The following ANKRD12 variants were observed in gnomAD, a reference collection of about 807,000 sequenced individuals.
ANKRD12 encodes the protein ankyrin repeat domain-containing protein 12.
A neutral mutation model predicts 183.4 loss-of-function variants in ANKRD12; 85 were observed. The observed-to-expected ratio is 0.46, with a 90% CI of 0.39 to 0.56. The LOEUF is 0.56. ANKRD12 is among the 20% of genes least tolerant of loss of function. ANKRD12 has a pLI of 0.00. For missense variants in ANKRD12, 2,405 were observed against 2,357.1 expected, an observed-to-expected ratio of 1.02 and a Z score of -0.42; for synonymous variants, 914 against 800.2, an observed-to-expected ratio of 1.14 and a Z score of -2.40.
chr18:9,204,166 CA>C (rs1190998068), intron 3 of ANKRD12, among the ~76,000 whole-genome samples: 39 of 152,020 alleles, frequency 2.6e-4, no homozygotes, highest in African/African-American at 8.7e-4. Flanking sequence ...TACTGTTATT[CA>C]GAAGTTGAAA....
chr18:9,222,067 A>G (rs916271116), intron 8 of ANKRD12, 68 bp downstream of exon 8: 10 of 1,549,784 alleles, frequency 6.5e-6, no homozygotes, highest in African/African-American at 1.4e-5. Flanking sequence ...TTCTGGATTC[A>G]TTTGTAATAT....
chr18:9,261,848 C>G (rs2038986990), intron 9 of ANKRD12, among the ~76,000 whole-genome samples: 1 of 152,170 alleles, frequency 6.6e-6, no homozygotes, highest in Non-Finnish European at 1.5e-5. Flanking sequence ...CTTGAGGAAG[C>G]TTTCTCTGGC....
intron 9 of ANKRD12, among the ~76,000 whole-genome samples, chr18:9,261,570 C>A (rs1314600688): frequency 6.6e-6 from 1 of 152,146 alleles, no homozygotes; most frequent in Non-Finnish European, 1.5e-5. Context: ...TATTATTTTG[C>A]CCCTGCTGAT....
rs775877613 is a variant in ANKRD12, at chr18:9,262,786, C to CTTTTTTTTTTTTTTTTTT, written c.5665-1004_5665-1003insTTTTTTTTTTTTTTTTTT. On this transcript the variant is annotated intron_variant, in intron 9 of 12. Transcript: ENST00000262126. The stretch of plus-strand genomic sequence containing the variant: ...AGCCACCATGCCCAGCCAAGATGTC[C>CTTTTTTTTTTTTTTTTTT]CTTTTTTTTTTTTTTTTTTTTTTTT... Among the ~76,000 whole-genome samples, 3 of 87,932 alleles carry CTTTTTTTTTTTTTTTTTT rather than the reference C, an allele frequency of 3.4e-5. 1 individual carries two copies. Among genetic ancestry groups the CTTTTTTTTTTTTTTTTTT allele is most frequent in the Non-Finnish European group, 6.8e-5 (3 of 44,262 alleles). 57.7% of individuals were successfully genotyped at this position (87,932 alleles called of 152,430 possible).
Position 9,255,519 on chromosome 18 carries a change from G to A in ANKRD12, c.2252G>A (p.Arg751Gln), listed in dbSNP as rs768252877. ...AAAGAGAGGAACTTTAAAGAGGAAC[G>A]AGACAAGATTAAAAAGGAAAGCGAG... ...VSKERNFKEE[R>Q]DKIKKESEKS... The change falls in exon 9 of 13, where the codon CGA (arginine) becomes CAA (glutamine). Residue 751 changes from arginine to glutamine, a missense_variant. Transcript: ENST00000262126. 22 of 1,576,456 alleles carry A rather than the reference G, an allele frequency of 1.4e-5. No homozygotes were observed. Among genetic ancestry groups the A allele is most frequent in the East Asian group, 1.1e-4 (5 of 44,108 alleles).
intron 1 of ANKRD12, among the ~76,000 whole-genome samples, chr18:9,144,427 T>C (rs1470582805): frequency 6.6e-6 from 1 of 152,236 alleles, no homozygotes; most frequent in Non-Finnish European, 1.5e-5. Flanking sequence ...GATTACTCTT[T>C]ATGCTCTTTT....
chr18:9,157,077 T>A (rs2030582779), intron 1 of ANKRD12, among the ~76,000 whole-genome samples: 1 of 152,206 alleles, frequency 6.6e-6, no homozygotes, highest in African/African-American at 2.4e-5. Context: ...GTGTGGATGT[T>A]ACTCAGTGCC....
At chr18:9,272,650 C>T (rs2039660103) in intron 10 of ANKRD12, among the ~76,000 whole-genome samples, 1 of 152,088 alleles carries the variant, frequency 6.6e-6, no homozygotes, top group Non-Finnish European at 1.5e-5. Context: ...CTCTGCAGGA[C>T]TACAACCAAC....
At chr18:9,253,944 A>G (rs1011547404) in intron 8 of ANKRD12, among the ~76,000 whole-genome samples, 2 of 152,180 alleles carry the variant, frequency 1.3e-5, no homozygotes, top group African/African-American at 4.8e-5. Context: ...TTTTTATACT[A>G]TATATTGTGA....
intron 10 of ANKRD12, among the ~76,000 whole-genome samples, chr18:9,272,088 C>T (rs2039632270): frequency 6.6e-6 from 1 of 152,216 alleles, no homozygotes; most frequent in Non-Finnish European, 1.5e-5. Flanking sequence ...GGAAGCAATA[C>T]ATTGGCACAC....
chr18:9,261,633 AATG>A (rs1215853091), intron 9 of ANKRD12, among the ~76,000 whole-genome samples: 5 of 152,200 alleles, frequency 3.3e-5, no homozygotes, highest in African/African-American at 1.2e-4. Flanking sequence ...AATGGTGTGA[AATG>A]ATGACGACGA....
chr18:9,146,669 AT>A (rs1374819226), intron 1 of ANKRD12, among the ~76,000 whole-genome samples: 1 of 152,150 alleles, frequency 6.6e-6, no homozygotes, highest in Non-Finnish European at 1.5e-5. Flanking sequence ...TCATTACCAT[AT>A]TTCTCCTTCT....
chr18:9,258,441 A>T lies in ANKRD12; in HGVS notation c.5174A>T (p.Asp1725Val). 6.2e-7 allele frequency: 1 copy of T among 1,613,842 alleles called. No individual in the cohort carries two copies. The highest frequency in any genetic ancestry group is 8.5e-7 in the Non-Finnish European group (1 of 1,179,950). Residue 1725 changes from aspartate to valine, a missense_variant, in exon 9 of 13, where the codon GAT (aspartate) becomes GTT (valine). Asp to Val is a radical substitution (Grantham distance 152). Coordinates refer to ENST00000262126, the MANE Select transcript of ANKRD12 (RefSeq NM_015208.5). ...KVELEENAED[D>V]KTENQIPQRM... The stretch of plus-strand genomic sequence containing the variant: ...GAATTAGAAGAAAATGCCGAAGATG[A>T]TAAAACTGAAAACCAAATCCCTCAA...
intron 11 of ANKRD12, among the ~76,000 whole-genome samples, chr18:9,276,258 A>T (rs2039828587): frequency 6.6e-6 from 1 of 152,252 alleles, no homozygotes; most frequent in African/African-American, 2.4e-5. Flanking sequence ...ACAGTGAAGG[A>T]TTATCACCTG....
chr18:9,274,994 G>T (rs1324407472), intron 10 of ANKRD12, among the ~76,000 whole-genome samples: 2 of 152,068 alleles, frequency 1.3e-5, no homozygotes, highest in African/African-American at 4.8e-5. Flanking sequence ...ACCAGCCTGG[G>T]CAACATAGTG....
chr18:9,256,349 A>G lies in ANKRD12; in HGVS notation c.3082A>G (p.Lys1028Glu). 4 of 1,594,928 alleles carry G rather than the reference A, an allele frequency of 2.5e-6. No individual in the cohort carries two copies. The highest frequency in any genetic ancestry group is 3.4e-6 in the Non-Finnish European group (4 of 1,171,570). Residue 1028 changes from lysine (K) to glutamate (E), a missense_variant, in exon 9 of 13, where the codon AAA becomes GAA. Transcript: ENST00000262126. ...AAAAGATAAAGATATAGATAGATAC[A>G]AAGAACGAGACAAACATAAAGATAA... ...DKKDKDIDRY[K>E]ERDKHKDKIQ...
chr18:9,253,171 T>C (rs2038401929), intron 8 of ANKRD12, among the ~76,000 whole-genome samples: 1 of 152,172 alleles, frequency 6.6e-6, no homozygotes, highest in Non-Finnish European at 1.5e-5. Flanking sequence ...AGGTAATTGG[T>C]TTACCTCAAG....
At chr18:9,186,059 TC>T (rs2034028017) in intron 2 of ANKRD12, among the ~76,000 whole-genome samples, 2 of 152,212 alleles carry the variant, frequency 1.3e-5, no homozygotes, top group Non-Finnish European at 2.9e-5. Flanking sequence ...CTTTAATTGT[TC>T]CTATGTACTT....
chr18:9,252,573 T>C (rs2145145071), intron 8 of ANKRD12, among the ~76,000 whole-genome samples: 1 of 152,352 alleles, frequency 6.6e-6, no homozygotes, highest in South Asian at 2.1e-4. Flanking sequence ...AAAAAAGGCA[T>C]ATCTGAATTG....
Sources: allele counts gnomAD v4.1 joint callset (sites outside exome capture counted in the v4.1 genomes callset), GRCh38; gene constraint gnomAD v4.1.1; transcripts MANE v1.5; gene names NCBI Gene and HGNC (gene_info 2026-07-23, HGNC 2026-07-21).